The following ALCAM variants were observed in gnomAD, a reference collection of about 807,000 sequenced individuals.
The protein encoded by ALCAM is CD166 antigen.
Under a neutral mutation model 70.9 loss-of-function variants are expected in ALCAM, and 30 were observed. The observed-to-expected ratio is 0.42, with a 90% CI of 0.32 to 0.57. The LOEUF (loss-of-function observed/expected upper bound fraction) is 0.57. Ranked by LOEUF, ALCAM falls within the 20% of genes least tolerant of loss-of-function variation. The probability of loss-of-function intolerance (pLI) is 0.11; values close to 1 mark genes in which losing one functional copy is unlikely to be tolerated. For synonymous variants in ALCAM, 249 were observed against 242.5 expected (o/e 1.03, Z -0.25); for missense variants, 591 against 695.1 (o/e 0.85, Z 1.68).
chr3:105,498,046 G>A (rs9848591), intron 1 of ALCAM, among the ~76,000 whole-genome samples: 56,927 of 127,928 alleles, frequency 0.44, 11,365 homozygotes, highest in Admixed American at 0.55. Context: ...AAAAAAAAAA[G>A]GGGGGAAATT....
In ALCAM at chr3:105,550,108, T is replaced by C; in HGVS notation, c.1375-19T>C. On this transcript the variant is annotated intron_variant, in intron 11 of 15. Coordinates refer to ENST00000306107, the MANE Select transcript of ALCAM (RefSeq NM_001627.4). Reference sequence around the variant, plus strand: ...ATCCATTTTGATTTCTAAACCCACCTTTTTTCTTCTTTTTCCAGACAGAGG... The same window carrying C: ...ATCCATTTTGATTTCTAAACCCACCCTTTTTCTTCTTTTTCCAGACAGAGG... 6.4e-7 allele frequency: 1 copy of C among 1,565,850 alleles called. No individual in the cohort carries two copies. Among genetic ancestry groups the C allele is most frequent in the Non-Finnish European group, 8.7e-7 (1 of 1,147,204 alleles).
chr3:105,441,035 C>A (rs895899778), intron 1 of ALCAM, among the ~76,000 whole-genome samples: 63 of 152,228 alleles, frequency 4.1e-4, no homozygotes, highest in African/African-American at 1.5e-3. Context: ...GGAGTTAGAA[C>A]CTCCATCCAA....
At chr3:105,454,341 A>T (rs576013593) in intron 1 of ALCAM, among the ~76,000 whole-genome samples, 1 of 152,336 alleles carries the variant, frequency 6.6e-6, no homozygotes, top group South Asian at 2.1e-4. Context: ...AAGCAAAAAG[A>T]TAATTTCTTG....
chr3:105,488,816 T>C (rs1309597560), intron 1 of ALCAM, among the ~76,000 whole-genome samples: 1 of 152,138 alleles, frequency 6.6e-6, no homozygotes, highest in Non-Finnish European at 1.5e-5. Flanking sequence ...ATGTTAATGC[T>C]TGATTGATGT....
intron 14 of ALCAM, among the ~76,000 whole-genome samples, chr3:105,569,196 T>C (rs1940809474): frequency 6.6e-6 from 1 of 151,304 alleles, no homozygotes. Flanking sequence ...GTTAATGAAG[T>C]GAGTTTAAAA....
At chr3:105,503,793 C>T (rs7636841) in intron 1 of ALCAM, among the ~76,000 whole-genome samples, 27,263 of 152,152 alleles carry the variant, frequency 0.18, 2,775 homozygotes, top group Admixed American at 0.27. Context: ...ACCTCAGCCA[C>T]ACTGGCTGAA....
At position 105,571,880 on chromosome 3, in the gene ALCAM, C is replaced by T; in HGVS notation, c.1693C>T (p.Leu565Phe). 1 of 1,612,978 alleles carries T rather than the reference C, an allele frequency of 6.2e-7. No individual in the cohort carries two copies. The highest frequency in any genetic ancestry group is 8.5e-7 in the Non-Finnish European group (1 of 1,179,322). The change falls in exon 15 of 16, where the codon CTC becomes TTC. Residue 565 changes from leucine to phenylalanine, a missense_variant. Transcript: ENST00000306107. ...KTASKHVNKD[L>F]GNMEENKKLE... ...TGCATCAAAACATGTAAACAAGGAC[C>T]TCGGTAATATGGAAGAAAACAAAAA...
chr3:105,394,324 G>A (rs1219969826), intron 1 of ALCAM, among the ~76,000 whole-genome samples: 1 of 151,962 alleles, frequency 6.6e-6, no homozygotes, highest in Admixed American at 6.6e-5. Flanking sequence ...CTACGCGGAA[G>A]GGACATGCGA....
chr3:105,490,533 A>G (rs887208639), intron 1 of ALCAM, among the ~76,000 whole-genome samples: 3 of 151,990 alleles, frequency 2.0e-5, no homozygotes, highest in Non-Finnish European at 4.4e-5. Flanking sequence ...CTGTGTATGT[A>G]TGTGTGTGTG....
chr3:105,539,840 T>C, intron 6 of ALCAM, 135 bp from the exon 7 acceptor site: 1 of 819,786 alleles, frequency 1.2e-6, no homozygotes, highest in Non-Finnish European at 1.8e-6. Flanking sequence ...AATCCTTCTA[T>C]AAAAAGGTAT....
At chr3:105,545,443 T>G in intron 9 of ALCAM, 108 bp downstream of exon 9, 1 of 707,288 alleles carries the variant, frequency 1.4e-6, no homozygotes, top group Non-Finnish European at 2.4e-6. Context: ...TGTGTTTATA[T>G]ACCAGCTCTC....
intron 11 of ALCAM, among the ~76,000 whole-genome samples, chr3:105,549,644 T>C (rs1293363768): frequency 3.3e-5 from 5 of 151,328 alleles, no homozygotes. Flanking sequence ...CAGAAAACTT[T>C]AGAAAAAAAT....
chr3:105,405,632 C>A (rs1414136557), intron 1 of ALCAM, among the ~76,000 whole-genome samples: 2 of 152,108 alleles, frequency 1.3e-5, no homozygotes, highest in African/African-American at 4.8e-5. Flanking sequence ...GAACATTCTC[C>A]AAGACAGATG....
chr3:105,483,876 C>T (rs967292834), intron 1 of ALCAM, among the ~76,000 whole-genome samples: 4 of 152,012 alleles, frequency 2.6e-5, no homozygotes, highest in Non-Finnish European at 4.4e-5. Flanking sequence ...TAGTTTGCTA[C>T]GTATAGAATA....
At chr3:105,484,157 C>CATATTATAT (rs1938354645) in intron 1 of ALCAM, among the ~76,000 whole-genome samples, 1 of 151,378 alleles carries the variant, frequency 6.6e-6, no homozygotes, top group Non-Finnish European at 1.5e-5. Flanking sequence ...ATGTCAAATA[C>CATATTATAT]ATATTATATA....
At chr3:105,405,704 T>A (rs1936211265) in intron 1 of ALCAM, among the ~76,000 whole-genome samples, 1 of 152,114 alleles carries the variant, frequency 6.6e-6, no homozygotes, top group African/African-American at 2.4e-5. Context: ...TATCATGTAC[T>A]CTCTCAGACC....
intron 1 of ALCAM, among the ~76,000 whole-genome samples, chr3:105,436,251 A>T (rs2152579358): frequency 6.6e-6 from 1 of 152,338 alleles, no homozygotes; most frequent in African/African-American, 2.4e-5. Context: ...TCTTGACTTC[A>T]TTTGGACAAC....
chr3:105,443,378 A>G (rs1002764551), intron 1 of ALCAM, among the ~76,000 whole-genome samples: 1 of 152,088 alleles, frequency 6.6e-6, no homozygotes, highest in African/African-American at 2.4e-5. Context: ...TGAAAACCAT[A>G]CTCTGCAAGG....
intron 1 of ALCAM, among the ~76,000 whole-genome samples, chr3:105,518,860 G>A (rs1939453426): frequency 6.6e-6 from 1 of 151,966 alleles, no homozygotes; most frequent in South Asian, 2.1e-4. Context: ...TTATGTTTCT[G>A]TTCACTGGGG....
Sources: gnomAD v4.1 joint callset for allele counts (sites outside exome capture counted in the v4.1 genomes callset) on GRCh38, gnomAD v4.1.1 for gene constraint, MANE v1.5 for transcripts, NCBI Gene and HGNC (gene_info 2026-07-23, HGNC 2026-07-21) for gene names.